The following CIMIP6 variants were observed in gnomAD, a reference collection of about 807,000 sequenced individuals.
CIMIP6 encodes the protein ciliary microtubule inner protein 6.
chr2:54,343,019 T>G, the CIMIP6 span, among the ~76,000 whole-genome samples: 8 of 152,244 alleles, frequency 5.3e-5, no homozygotes, highest in Admixed American at 4.6e-4. Context: ...CCCTTTCTTG[T>G]GTACTTAGGT....
At chr2:54,348,430 G>A in the CIMIP6 span, among the ~76,000 whole-genome samples, 3,444 of 151,986 alleles carry the variant, frequency 0.023, 137 homozygotes, top group African/African-American at 0.078. Context: ...TTCTTTCTCT[G>A]TTCTTTTGTT....
the CIMIP6 span, among the ~76,000 whole-genome samples, chr2:54,376,898 A>G: frequency 4.6e-5 from 7 of 152,204 alleles, no homozygotes; most frequent in African/African-American, 1.7e-4. Flanking sequence ...GTTTTCCTGG[A>G]GGGCAAAGGC....
At chr2:54,361,729 G>T in the CIMIP6 span, among the ~76,000 whole-genome samples, 2 of 152,214 alleles carry the variant, frequency 1.3e-5, no homozygotes, top group South Asian at 2.1e-4. Context: ...AACACCATAG[G>T]TATACTACTA....
the CIMIP6 span, chr2:54,360,263 G>A: frequency 6.2e-7 from 1 of 1,611,338 alleles, no homozygotes; most frequent in Admixed American, 1.7e-5. Flanking sequence ...AGTTCCTAAA[G>A]GAGCAGAGGT....
At chr2:54,343,670 A>C in the CIMIP6 span, 3 of 1,388,928 alleles carry the variant, frequency 2.2e-6, no homozygotes, top group Non-Finnish European at 2.9e-6. Flanking sequence ...GCAATACATG[A>C]AAATGCCCTA....
chr2:54,343,620 A>C, the CIMIP6 span: 1 of 821,074 alleles, frequency 1.2e-6, no homozygotes, highest in African/African-American at 1.7e-5. Context: ...GATATCCACT[A>C]ACTTGTTAAA....
the CIMIP6 span, chr2:54,360,181 T>G: frequency 6.6e-6 from 10 of 1,524,516 alleles, no homozygotes; most frequent in East Asian, 2.3e-4. Flanking sequence ...CTGGTTAATG[T>G]CGACTTTGTT....
At chr2:54,340,762 A>T in the CIMIP6 span, among the ~76,000 whole-genome samples, 1 of 152,212 alleles carries the variant, frequency 6.6e-6, no homozygotes, top group Admixed American at 6.5e-5. Flanking sequence ...TCAAAAGATG[A>T]AATTATCTCT....
chr2:54,349,725 C>T, the CIMIP6 span, among the ~76,000 whole-genome samples: 2 of 152,060 alleles, frequency 1.3e-5, no homozygotes, highest in Non-Finnish European at 2.9e-5. Flanking sequence ...GTCTCATATG[C>T]CTGTATAAAT....
the CIMIP6 span, among the ~76,000 whole-genome samples, chr2:54,384,167 C>T: frequency 3.9e-5 from 6 of 152,198 alleles, no homozygotes; most frequent in Non-Finnish European, 8.8e-5. Flanking sequence ...AATTAATTCT[C>T]GCAATAAACC....
the CIMIP6 span, among the ~76,000 whole-genome samples, chr2:54,344,400 C>A: frequency 2.5e-4 from 38 of 152,142 alleles, no homozygotes; most frequent in South Asian, 7.7e-3. Context: ...CTTTCTGGAA[C>A]GTAGCAAAGA....
the CIMIP6 span, among the ~76,000 whole-genome samples, chr2:54,369,294 A>G: frequency 2.0e-5 from 3 of 152,038 alleles, no homozygotes; most frequent in East Asian, 5.8e-4. Context: ...CCATCTAACA[A>G]TAATCTTAGG....
the CIMIP6 span, among the ~76,000 whole-genome samples, chr2:54,379,633 T>G: frequency 6.6e-3 from 1,005 of 151,706 alleles, 16 homozygotes; most frequent in African/African-American, 0.023. Flanking sequence ...GCCCAGGAGT[T>G]TGAGACCAGC....
the CIMIP6 span, among the ~76,000 whole-genome samples, chr2:54,374,311 A>G: frequency 6.6e-6 from 1 of 152,200 alleles, no homozygotes; most frequent in Admixed American, 6.5e-5. Flanking sequence ...AGATATTTTA[A>G]GTACTGGAAA....
chr2:54,378,736 C>T, the CIMIP6 span, among the ~76,000 whole-genome samples: 1 of 152,158 alleles, frequency 6.6e-6, no homozygotes, highest in Non-Finnish European at 1.5e-5. Flanking sequence ...GGAATGTTGT[C>T]CCCTCTACTC....
the CIMIP6 span, among the ~76,000 whole-genome samples, chr2:54,377,102 T>C: frequency 6.6e-6 from 1 of 152,216 alleles, no homozygotes; most frequent in Non-Finnish European, 1.5e-5. Flanking sequence ...TCATCAGCCC[T>C]TGTGGACTGT....
At chr2:54,375,266 T>C in the CIMIP6 span, among the ~76,000 whole-genome samples, 4 of 151,934 alleles carry the variant, frequency 2.6e-5, no homozygotes, top group South Asian at 8.3e-4. Context: ...TCCTAATATA[T>C]AAAGATATTA....
chr2:54,333,619 T>A, the CIMIP6 span, among the ~76,000 whole-genome samples: 1 of 152,266 alleles, frequency 6.6e-6, no homozygotes, highest in East Asian at 1.9e-4. Flanking sequence ...CGAGGCACAG[T>A]GGTTCACGCC....
the CIMIP6 span, chr2:54,360,248 C>A: frequency 2.5e-6 from 4 of 1,608,522 alleles, no homozygotes; most frequent in Non-Finnish European, 3.4e-6. Flanking sequence ...AGGCAGTAGG[C>A]CAACAGTTCC....
Sources: allele counts gnomAD v4.1 joint callset (sites outside exome capture counted in the v4.1 genomes callset), GRCh38; gene constraint gnomAD v4.1.1; transcripts MANE v1.5; gene names NCBI Gene and HGNC (gene_info 2026-07-23, HGNC 2026-07-21).